The following XKR9 variants were observed in gnomAD, a reference collection of about 807,000 sequenced individuals.
XKR9 encodes XK related 9, also known as XK-related protein 9.
Under a neutral mutation model 32.0 loss-of-function variants are expected in XKR9, and 32 were observed. That is an observed-to-expected ratio of 1.00 (90% confidence interval 0.76 to 1.34). The LOEUF (loss-of-function observed/expected upper bound fraction) is 1.34. Ranked by LOEUF, XKR9 falls within the 40% of genes most tolerant of loss-of-function variation. The pLI, the probability that XKR9 is intolerant of heterozygous loss-of-function variation, is 0.00. For missense variants in XKR9, 546 were observed against 429.7 expected, an observed-to-expected ratio of 1.27 and a Z score of -2.39; for synonymous variants, 168 against 143.4, an observed-to-expected ratio of 1.17 and a Z score of -1.22.
chr8:70,895,788 C>T, the XKR9 span, among the ~76,000 whole-genome samples: 1 of 134,242 alleles, frequency 7.4e-6, no homozygotes, highest in Non-Finnish European at 1.5e-5. Flanking sequence ...AGTTTGAGAT[C>T]AGCCTGGGCA....
At chr8:71,021,468 T>G in the XKR9 span, among the ~76,000 whole-genome samples, 2 of 151,814 alleles carry the variant, frequency 1.3e-5, no homozygotes, top group African/African-American at 2.4e-5. Flanking sequence ...TCCCATTTTG[T>G]AGGTTGTCTG....
chr8:70,824,987 A>G, the XKR9 span, among the ~76,000 whole-genome samples: 36 of 152,202 alleles, frequency 2.4e-4, no homozygotes, highest in African/African-American at 8.4e-4. Context: ...CAATCCTGAA[A>G]GTCAGGTTAA....
the XKR9 span, among the ~76,000 whole-genome samples, chr8:70,931,094 T>A: frequency 6.6e-6 from 1 of 151,204 alleles, no homozygotes; most frequent in Non-Finnish European, 1.5e-5. Context: ...TTTAAATAAA[T>A]ATCCACATAG....
At chr8:70,979,115 T>G in the XKR9 span, among the ~76,000 whole-genome samples, 1 of 152,306 alleles carries the variant, frequency 6.6e-6, no homozygotes, top group Admixed American at 6.5e-5. Flanking sequence ...TCTACACTGC[T>G]TGTTCTAATT....
chr8:70,939,116 G>C, the XKR9 span, among the ~76,000 whole-genome samples: 7 of 151,940 alleles, frequency 4.6e-5, no homozygotes, highest in Non-Finnish European at 1.0e-4. Flanking sequence ...ACATGAGGGT[G>C]CCTGCTCCTT....
At chr8:70,858,037 T>A in the XKR9 span, among the ~76,000 whole-genome samples, 4 of 152,110 alleles carry the variant, frequency 2.6e-5, no homozygotes, top group African/African-American at 9.7e-5. Context: ...CAGGAAGCAT[T>A]CCCTTTGAAA....
At chr8:70,911,467 G>A in the XKR9 span, among the ~76,000 whole-genome samples, 12,755 of 152,206 alleles carry the variant, frequency 0.084, 609 homozygotes, top group African/African-American at 0.097. Flanking sequence ...CTTTGTGTCA[G>A]TAATACTAGT....
intron 2 of XKR9, among the ~76,000 whole-genome samples, chr8:70,760,080 T>C (rs2130205197): frequency 6.6e-6 from 1 of 152,340 alleles, no homozygotes; most frequent in East Asian, 1.9e-4. Flanking sequence ...ACAGAATGAA[T>C]CTAATGAACT....
chr8:70,844,058 G>A, the XKR9 span, among the ~76,000 whole-genome samples: 7 of 152,224 alleles, frequency 4.6e-5, no homozygotes, highest in Non-Finnish European at 7.3e-5. Context: ...AGAATGGGCA[G>A]TGCAGCTTAC....
intron 2 of XKR9, among the ~76,000 whole-genome samples, chr8:70,773,671 G>T (rs1019374668): frequency 6.6e-6 from 1 of 152,190 alleles, no homozygotes; most frequent in Non-Finnish European, 1.5e-5. Flanking sequence ...CCAGTTAAAA[G>T]GGGGAAGTGT....
chr8:70,866,650 A>AT, the XKR9 span, among the ~76,000 whole-genome samples: 2 of 149,888 alleles, frequency 1.3e-5, no homozygotes, highest in South Asian at 2.1e-4. Context: ...TGCCTGGCTA[A>AT]TTTTTTTGAA....
chr8:70,996,164 G>C, the XKR9 span, among the ~76,000 whole-genome samples: 1 of 152,192 alleles, frequency 6.6e-6, no homozygotes, highest in Non-Finnish European at 1.5e-5. Flanking sequence ...AACATGTGAT[G>C]TATGACAAGC....
the XKR9 span, among the ~76,000 whole-genome samples, chr8:70,923,821 A>G: frequency 0.021 from 3,192 of 152,250 alleles, 96 homozygotes; most frequent in African/African-American, 0.074. Flanking sequence ...GCTTCCAGGA[A>G]TACTCATAGT....
At chr8:70,853,023 T>G in the XKR9 span, among the ~76,000 whole-genome samples, 1 of 151,760 alleles carries the variant, frequency 6.6e-6, no homozygotes, top group Middle Eastern at 3.4e-3. Flanking sequence ...TAAAAGAAAA[T>G]AAAATGTGGT....
chr8:70,807,693 A>C, the XKR9 span, among the ~76,000 whole-genome samples: 15 of 152,362 alleles, frequency 9.8e-5, no homozygotes, highest in African/African-American at 3.4e-4. Context: ...TAAAGGGAAC[A>C]ATTCAACAAG....
At chr8:70,923,185 T>C in the XKR9 span, among the ~76,000 whole-genome samples, 7 of 152,244 alleles carry the variant, frequency 4.6e-5, 1 homozygote, top group Admixed American at 3.3e-4. Flanking sequence ...AAAATGGCTC[T>C]GGGATGTTGA....
At chr8:70,789,763 A>G (rs1456117168) in intron 3 of XKR9, among the ~76,000 whole-genome samples, 1 of 151,988 alleles carries the variant, frequency 6.6e-6, no homozygotes, top group African/African-American at 2.4e-5. Flanking sequence ...AAGCAAAGTC[A>G]TCTTGTGGAA....
At chr8:70,987,200 C>T in the XKR9 span, among the ~76,000 whole-genome samples, 1 of 152,142 alleles carries the variant, frequency 6.6e-6, no homozygotes, top group East Asian at 1.9e-4. Flanking sequence ...ATCTCATGTC[C>T]TCATATTTCA....
chr8:70,710,175 T>G (rs1441521506), intron 4 of XKR9, among the ~76,000 whole-genome samples: 1 of 151,948 alleles, frequency 6.6e-6, no homozygotes, highest in Admixed American at 6.6e-5. Flanking sequence ...GAGTCGACAG[T>G]AACAAGCAAC....
Sources: gnomAD v4.1 joint callset for allele counts (sites outside exome capture counted in the v4.1 genomes callset) on GRCh38, gnomAD v4.1.1 for gene constraint, MANE v1.5 for transcripts, NCBI Gene and HGNC (gene_info 2026-07-23, HGNC 2026-07-21) for gene names.